SRGAP1: variants seen among roughly 807,000 people sequenced by gnomAD.
SRGAP1 encodes the protein SLIT-ROBO Rho GTPase-activating protein 1.
SRGAP1 carries 43 observed loss-of-function variants against 121.9 expected under a neutral mutation model. That is an observed-to-expected ratio of 0.35 (90% CI 0.28 to 0.46). SRGAP1 has a LOEUF of 0.46. Ranked by LOEUF, SRGAP1 falls within the 20% of genes least tolerant of loss-of-function variation. The pLI is 1.00. For synonymous variants in SRGAP1, 447 were observed against 485.4 expected (o/e 0.92, Z 1.04); for missense variants, 1,102 against 1,350.9 (o/e 0.82, Z 2.89).
Position 64,111,993 on chromosome 12 carries a change from C to CT in SRGAP1, c.2144+8dup. 4 of 1,607,292 alleles carry CT rather than the reference C, an allele frequency of 2.5e-6. No individual in the cohort carries two copies. Among genetic ancestry groups the CT allele is most frequent in the Non-Finnish European group, 3.4e-6 (4 of 1,175,018 alleles). ...TGGCTGGAGATGACTATTGGTAAGT[C>CT]TAAGAATTTTAGTCCTCCTCTCCCA... On this transcript the variant is annotated splice_region_variant and intron_variant, in intron 17 of 21. Transcript: ENST00000355086.
At chr12:64,043,624 A>G (rs546259816) in intron 6 of SRGAP1, 49 bp downstream of exon 6, 1 of 1,450,662 alleles carries the variant, frequency 6.9e-7, no homozygotes, top group East Asian at 2.3e-5. Flanking sequence ...GAAATTAACA[A>G]TAACCATATT....
chr12:64,071,488 C>T (rs1302392636), intron 8 of SRGAP1, among the ~76,000 whole-genome samples: 4 of 152,194 alleles, frequency 2.6e-5, no homozygotes, highest in Non-Finnish European at 5.9e-5. Flanking sequence ...ATTAAGTTAT[C>T]ACTGACTTCA....
chr12:64,125,984 G>C lies in SRGAP1; in HGVS notation c.2232G>C (p.Glu744Asp). 1 of 1,613,884 alleles carries C rather than the reference G, an allele frequency of 6.2e-7. No homozygotes were observed. The highest frequency in any genetic ancestry group is 8.5e-7 in the Non-Finnish European group (1 of 1,179,840). Residue 744 changes from glutamate to aspartate, a missense_variant, in exon 19 of 22, where the codon GAG (glutamate) becomes GAC (aspartate). Coordinates refer to ENST00000355086, the MANE Select transcript of SRGAP1 (RefSeq NM_020762.4). ...TEPHTSEDEC[E>D]PIEAIAKFDY... is the part of the protein sequence containing the mutation. The stretch of plus-strand genomic sequence containing the variant: ...CTGGTGTGTTCGTTGTAGAATGTGA[G>C]CCAATAGAAGCAATAGCCAAGTTTG...
intron 1 of SRGAP1, among the ~76,000 whole-genome samples, chr12:63,954,567 A>G (rs2032398823): frequency 6.6e-6 from 1 of 151,182 alleles, no homozygotes; most frequent in African/African-American, 2.4e-5. Context: ...AGTCCCAGCT[A>G]CTCGGGAGGC....
chr12:64,034,839 GCTA>G, intron 4 of SRGAP1, among the ~76,000 whole-genome samples: 1 of 152,268 alleles, frequency 6.6e-6, no homozygotes, highest in Middle Eastern at 3.4e-3. Context: ...CCATGAGTAT[GCTA>G]CTACTCAAAC....
chr12:64,007,600 G>A (rs1415286725), intron 3 of SRGAP1, among the ~76,000 whole-genome samples: 1 of 152,068 alleles, frequency 6.6e-6, no homozygotes, highest in Non-Finnish European at 1.5e-5. Context: ...GGAATATTTA[G>A]TACAGAGAAA....
intron 2 of SRGAP1, among the ~76,000 whole-genome samples, chr12:63,986,949 A>G (rs2033435547): frequency 6.6e-6 from 1 of 152,176 alleles, no homozygotes; most frequent in Non-Finnish European, 1.5e-5. Flanking sequence ...GATAAGATGA[A>G]TATGTCTCTG....
At chr12:63,917,519 A>G (rs1273752546) in intron 1 of SRGAP1, among the ~76,000 whole-genome samples, 1 of 152,108 alleles carries the variant, frequency 6.6e-6, no homozygotes, top group Non-Finnish European at 1.5e-5. Flanking sequence ...TGAATTTGCT[A>G]CCATAATTTT....
chr12:64,141,671 T>C (rs2036965721), intron 21 of SRGAP1, among the ~76,000 whole-genome samples: 1 of 151,988 alleles, frequency 6.6e-6, no homozygotes. Context: ...TAAGTCAGCA[T>C]GTAGATGTGG....
intron 3 of SRGAP1, among the ~76,000 whole-genome samples, chr12:64,002,215 C>CT (rs1157728701): frequency 6.6e-6 from 1 of 152,174 alleles, no homozygotes; most frequent in African/African-American, 2.4e-5. Flanking sequence ...ATTTTTCTCG[C>CT]TACTTCCTCA....
At chr12:64,013,904 A>G (rs371156949) in intron 3 of SRGAP1, among the ~76,000 whole-genome samples, 1 of 152,326 alleles carries the variant, frequency 6.6e-6, no homozygotes, top group East Asian at 1.9e-4. Context: ...AGGGACATCA[A>G]AGTCAACTCA....
intron 4 of SRGAP1, among the ~76,000 whole-genome samples, chr12:64,035,218 A>T (rs1342946516): frequency 6.6e-6 from 1 of 151,818 alleles, no homozygotes; most frequent in Non-Finnish European, 1.5e-5. Context: ...TATATTATCC[A>T]TTTTTTTCTC....
At position 63,868,499 on chromosome 12, in the gene SRGAP1, C is replaced by T. The variant is rs528942973; in HGVS notation, c.67+23616C>T. Among the ~76,000 whole-genome samples the T allele has an allele frequency of 8.5e-5, 13 of 152,194 alleles. No homozygotes were observed. The South Asian group carries it at 1.2e-3, about 15-fold the overall frequency. ...CAGGTGATCCTCCCACCTCAGCCTCCGAAGTAGCTGAGCGCACCAGCAAAC... is the reference window on the plus strand; with the variant it reads ...CAGGTGATCCTCCCACCTCAGCCTCTGAAGTAGCTGAGCGCACCAGCAAAC... On this transcript the variant is annotated intron_variant, in intron 1 of 21. Transcript: ENST00000355086.
chr12:63,984,986 A>G (rs1008081502), intron 2 of SRGAP1, among the ~76,000 whole-genome samples: 15 of 148,880 alleles, frequency 1.0e-4, no homozygotes, highest in African/African-American at 3.7e-4. Context: ...ACTGCACTCC[A>G]GGCTGGGCAA....
intron 1 of SRGAP1, among the ~76,000 whole-genome samples, chr12:63,966,148 C>T (rs1300463650): frequency 2.0e-5 from 3 of 152,180 alleles, no homozygotes; most frequent in Non-Finnish European, 4.4e-5. Flanking sequence ...GGCATAATCA[C>T]TACCCCAAAT....
chr12:63,844,785 C>A lies in SRGAP1; in HGVS notation c.-32C>A, dbSNP rs1171807069. 6.2e-7 allele frequency: 1 copy of A among 1,611,430 alleles called. No individual in the cohort carries two copies. Among genetic ancestry groups the A allele is most frequent in the African/African-American group, 1.3e-5 (1 of 74,990 alleles). On this transcript the variant is annotated 5_prime_UTR_variant, in exon 1 of 22. Coordinates refer to ENST00000355086, the MANE Select transcript of SRGAP1 (RefSeq NM_020762.4). This position sits in a 1 kb window ranked among gnomAD's most constrained non-coding sequence, Gnocchi z 4.3. ...GGTTGTGACCACTGAACAAAACTTGCCCATTGAAAGCAAACCCGGAACAGC... is the reference window on the plus strand; with the variant it reads ...GGTTGTGACCACTGAACAAAACTTGACCATTGAAAGCAAACCCGGAACAGC...
intron 1 of SRGAP1, among the ~76,000 whole-genome samples, chr12:63,952,391 C>T (rs2032327815): frequency 1.3e-5 from 2 of 152,032 alleles, no homozygotes; most frequent in Non-Finnish European, 2.9e-5. Context: ...TGGTATGCAC[C>T]TACAGTCTTA....
At chr12:64,123,502 ATAAAGT>A (rs2036635144) in intron 18 of SRGAP1, among the ~76,000 whole-genome samples, 1 of 152,218 alleles carries the variant, frequency 6.6e-6, no homozygotes, top group East Asian at 1.9e-4. Context: ...CCCTTTAAAT[ATAAAGT>A]TATAGTCCCT....
intron 8 of SRGAP1, among the ~76,000 whole-genome samples, chr12:64,074,602 A>C (rs2035700799): frequency 6.6e-6 from 1 of 152,088 alleles, no homozygotes; most frequent in Admixed American, 6.6e-5. Context: ...CTTTTAATAC[A>C]TACTCAAAAT....
Sources: allele counts gnomAD v4.1 joint callset (sites outside exome capture counted in the v4.1 genomes callset), GRCh38; gene constraint gnomAD v4.1.1; non-coding constraint Gnocchi (gnomAD v3.1); transcripts MANE v1.5; gene names NCBI Gene and HGNC (gene_info 2026-07-23, HGNC 2026-07-21).